Variants in LRRC3B observed in about 807,000 individuals in gnomAD.
LRRC3B encodes leucine-rich repeat-containing protein 3B.
A neutral mutation model predicts 12.8 loss-of-function variants in LRRC3B; 2 were observed. The observed-to-expected ratio is 0.16, with a 90% CI of 0.06 to 0.49. The LOEUF (loss-of-function observed/expected upper bound fraction) is 0.49, where lower values mean the gene tolerates loss of function less well. Among genes scored for constraint, LRRC3B ranks in the 20% least tolerant of loss-of-function variants. The probability of loss-of-function intolerance (pLI) is 0.96; values close to 1 mark genes in which losing one functional copy is unlikely to be tolerated. For synonymous variants in LRRC3B, 132 were observed against 122.0 expected (o/e 1.08, Z -0.54); for missense variants, 189 against 319.4 (o/e 0.59, Z 3.11).
At chr3:26,694,642 T>G (rs1486281078) in intron 1 of LRRC3B, 3 of 152,214 alleles carry the variant, frequency 2.0e-5, no homozygotes, top group African/African-American at 7.2e-5. Flanking sequence ...AGTTGGCCTG[T>G]CCAAGACCTC....
At chr3:26,671,363 T>TAGAG (rs1168867674) in intron 1 of LRRC3B, among the ~76,000 whole-genome samples, 42 of 46,236 alleles carry the variant, frequency 9.1e-4, no homozygotes, top group South Asian at 2.7e-3. Flanking sequence ...TATATATATA[T>TAGAG]ATATATATAT....
intron 1 of LRRC3B, among the ~76,000 whole-genome samples, chr3:26,625,768 T>C (rs967339426): frequency 1.3e-5 from 2 of 152,166 alleles, no homozygotes; most frequent in Non-Finnish European, 2.9e-5. Flanking sequence ...TAGCTAGCAG[T>C]TGTGGAGTTC....
intron 1 of LRRC3B, among the ~76,000 whole-genome samples, chr3:26,688,141 C>G (rs9847834): frequency 1.3e-5 from 2 of 151,972 alleles, no homozygotes; most frequent in Non-Finnish European, 2.9e-5. Context: ...AAAGATATAT[C>G]CAGATGTGAA....
intron 1 of LRRC3B, among the ~76,000 whole-genome samples, chr3:26,649,123 G>A (rs1428005196): frequency 6.6e-6 from 1 of 152,158 alleles, no homozygotes; most frequent in African/African-American, 2.4e-5. Context: ...ATTTTCTTGA[G>A]AAAAGAATTA....
intron 1 of LRRC3B, among the ~76,000 whole-genome samples, chr3:26,628,425 A>G (rs1394692986): frequency 3.3e-3 from 23 of 6,916 alleles, no homozygotes; most frequent in African/African-American, 0.02. Flanking sequence ...AGATACTGGA[A>G]AAAAAAAAAA....
intron 1 of LRRC3B, among the ~76,000 whole-genome samples, chr3:26,670,425 G>A (rs1575144866): frequency 1.3e-5 from 2 of 152,216 alleles, no homozygotes; most frequent in East Asian, 3.9e-4. Context: ...ATGATTCCGA[G>A]GGCTTCATTT....
intron 1 of LRRC3B, among the ~76,000 whole-genome samples, chr3:26,665,629 T>C (rs776997266): frequency 6.6e-6 from 1 of 152,202 alleles, no homozygotes; most frequent in Non-Finnish European, 1.5e-5. Context: ...ACACTAAGTT[T>C]GGCTAAATAA....
intron 1 of LRRC3B, among the ~76,000 whole-genome samples, chr3:26,636,144 C>G (rs889491659): frequency 6.6e-6 from 1 of 152,138 alleles, no homozygotes; most frequent in African/African-American, 2.4e-5. Context: ...ATCAAGATCT[C>G]TTAGAACCAT....
intron 1 of LRRC3B, among the ~76,000 whole-genome samples, chr3:26,626,283 G>A (rs1698624096): frequency 6.6e-6 from 1 of 152,186 alleles, no homozygotes; most frequent in Non-Finnish European, 1.5e-5. Flanking sequence ...TTTTAAATAG[G>A]AAGGTAAATG....
At chr3:26,659,290 AC>A (rs1699443734) in intron 1 of LRRC3B, among the ~76,000 whole-genome samples, 1 of 152,180 alleles carries the variant, frequency 6.6e-6, no homozygotes. Context: ...CAGCATTCTT[AC>A]CATGCTCACA....
At chr3:26,673,478 G>A (rs796771802) in intron 1 of LRRC3B, among the ~76,000 whole-genome samples, 45 of 152,330 alleles carry the variant, frequency 3.0e-4, no homozygotes, top group African/African-American at 1.1e-3. Context: ...TGCTTGGGGA[G>A]GTTTTGAGAA....
In LRRC3B at chr3:26,632,178, T is replaced by A. The variant is rs1698770860; in HGVS notation, c.-161+8941T>A. On this transcript the variant is annotated intron_variant, in intron 1 of 1. Coordinates refer to ENST00000396641, the Ensembl canonical transcript of LRRC3B. ...CAAAGGGGTGAAACAATTAATAACT[T>A]TTCTTGCAGCAATAATTGCCATGCG... 2.6e-5 allele frequency among the ~76,000 whole-genome samples: 4 copies of A among 152,236 alleles called. No individual in the cohort carries two copies. The South Asian group carries it at 8.3e-4, about 32-fold the overall frequency.
intron 1 of LRRC3B, among the ~76,000 whole-genome samples, chr3:26,695,474 C>T (rs1370297879): frequency 6.6e-6 from 1 of 152,132 alleles, no homozygotes. Context: ...TTGCAGTGAG[C>T]TGAGATCGCG....
At chr3:26,664,511 A>T (rs1448061361) in intron 1 of LRRC3B, among the ~76,000 whole-genome samples, 1 of 152,070 alleles carries the variant, frequency 6.6e-6, no homozygotes, top group African/African-American at 2.4e-5. Flanking sequence ...TAAACAATAA[A>T]GTTGAGGTTT....
At chr3:26,628,191 A>G (rs1223215910) in intron 1 of LRRC3B, among the ~76,000 whole-genome samples, 1 of 152,322 alleles carries the variant, frequency 6.6e-6, no homozygotes, top group South Asian at 2.1e-4. Context: ...ATTTAGAATA[A>G]CAATTATTAT....
intron 1 of LRRC3B, among the ~76,000 whole-genome samples, chr3:26,709,033 A>G (rs9310819): frequency 0.016 from 2,492 of 152,352 alleles, 24 homozygotes; most frequent in African/African-American, 0.034. Flanking sequence ...TAGAGACAAT[A>G]TTCCAAATTG....
At chr3:26,699,964 G>C (rs1304414223) in intron 1 of LRRC3B, among the ~76,000 whole-genome samples, 2 of 152,090 alleles carry the variant, frequency 1.3e-5, no homozygotes, top group African/African-American at 4.8e-5. Flanking sequence ...AAATGTATTT[G>C]TTTGTTTTTC....
At chr3:26,699,853 G>A (rs548175466) in intron 1 of LRRC3B, among the ~76,000 whole-genome samples, 6 of 152,172 alleles carry the variant, frequency 3.9e-5, no homozygotes, top group Non-Finnish European at 8.8e-5. Flanking sequence ...GCAACATGTT[G>A]CATAATAAAT....
chr3:26,623,016 G>A (rs926751583), exon 1 of LRRC3B: 8 of 151,470 alleles, frequency 5.3e-5, no homozygotes, highest in African/African-American at 1.7e-4. Context: ...CGCACTGCCT[G>A]CGTCCCGCGC....
Sources: gnomAD v4.1 joint callset for allele counts (sites outside exome capture counted in the v4.1 genomes callset) on GRCh38, gnomAD v4.1.1 for gene constraint, MANE v1.5 for transcripts, NCBI Gene and HGNC (gene_info 2026-07-23, HGNC 2026-07-21) for gene names.